ESRRB: variants seen among roughly 807,000 people sequenced by gnomAD.
ESRRB encodes the protein estrogen related receptor beta.
A neutral mutation model predicts 46.0 loss-of-function variants in ESRRB; 16 were observed. The ratio of observed to expected loss-of-function variants is 0.35; its 90% confidence interval spans 0.24 to 0.53. The LOEUF (loss-of-function observed/expected upper bound fraction) is 0.53. Among genes scored for constraint, ESRRB ranks in the 20% least tolerant of loss-of-function variants. The pLI is 0.93. For synonymous variants in ESRRB, 246 were observed against 259.6 expected (o/e 0.95, Z 0.50); for missense variants, 488 against 607.4 (o/e 0.80, Z 2.07).
chr14:76,383,373 T>C (rs1885090633), intron 1 of ESRRB, among the ~76,000 whole-genome samples: 1 of 152,144 alleles, frequency 6.6e-6, no homozygotes, highest in Admixed American at 6.5e-5. Context: ...ATCTGGCTTA[T>C]GCTTTAAAAA....
intron 1 of ESRRB, among the ~76,000 whole-genome samples, chr14:76,330,713 G>A (rs1419902324): frequency 6.6e-6 from 1 of 152,194 alleles, no homozygotes; most frequent in Non-Finnish European, 1.5e-5. Context: ...CACAGGTATG[G>A]AGGAAGCAAG....
Sources: gnomAD v4.1 joint callset for allele counts (sites outside exome capture counted in the v4.1 genomes callset) on GRCh38, gnomAD v4.1.1 for gene constraint, MANE v1.5 for transcripts, NCBI Gene and HGNC (gene_info 2026-07-23, HGNC 2026-07-21) for gene names.